ROBO2: variants seen among roughly 807,000 people sequenced by gnomAD.
ROBO2 encodes the protein roundabout homolog 2.
ROBO2 carries 53 observed loss-of-function variants against 160.8 expected under a neutral mutation model. The ratio of observed to expected loss-of-function variants is 0.33; its 90% CI spans 0.26 to 0.41. ROBO2 has a LOEUF of 0.41. Ranked by LOEUF, ROBO2 falls within the 10% of genes least tolerant of loss-of-function variation. The pLI, the probability that ROBO2 is intolerant of heterozygous loss-of-function variation, is 1.00. For synonymous variants in ROBO2, 664 were observed against 611.7 expected (o/e 1.09, Z -1.26); for missense variants, 1,577 against 1,722.4 (o/e 0.92, Z 1.49).
chr3:76,575,193 T>C (rs1490408305), intron 2 of ROBO2, among the ~76,000 whole-genome samples: 1 of 152,080 alleles, frequency 6.6e-6, no homozygotes, highest in East Asian at 1.9e-4. Flanking sequence ...AAACTCAACA[T>C]TTTTACAATA....
At chr3:76,477,258 G>A (rs1223122457) in intron 2 of ROBO2, among the ~76,000 whole-genome samples, 1 of 152,022 alleles carries the variant, frequency 6.6e-6, no homozygotes, top group Non-Finnish European at 1.5e-5. Flanking sequence ...TTTCATATTC[G>A]GTTAGACCAG....
intron 2 of ROBO2, among the ~76,000 whole-genome samples, chr3:76,868,595 G>C (rs528386069): frequency 9.2e-5 from 14 of 152,182 alleles, no homozygotes; most frequent in African/African-American, 2.9e-4. Flanking sequence ...AAATAACTAA[G>C]TCGAATATAT....
chr3:76,933,995 A>T (rs1259850947), intron 2 of ROBO2, among the ~76,000 whole-genome samples: 1 of 152,212 alleles, frequency 6.6e-6, no homozygotes, highest in Non-Finnish European at 1.5e-5. Flanking sequence ...GTTTTCAAGA[A>T]TTTAATATTC....
At chr3:77,494,283 A>T (rs1391697477) in intron 5 of ROBO2, among the ~76,000 whole-genome samples, 1 of 151,926 alleles carries the variant, frequency 6.6e-6, no homozygotes, top group African/African-American at 2.4e-5. Flanking sequence ...TTTTTTTTAA[A>T]AAAAATTTTT....
chr3:76,230,513 C>T (rs113140046), intron 2 of ROBO2, among the ~76,000 whole-genome samples: 2,760 of 152,238 alleles, frequency 0.018, 100 homozygotes, highest in East Asian at 0.14. Context: ...CTTCATGTCT[C>T]TCTGCCCCAT....
intron 2 of ROBO2, among the ~76,000 whole-genome samples, chr3:76,334,283 TAGAG>T (rs2073715374): frequency 1.3e-5 from 2 of 152,164 alleles, no homozygotes; most frequent in South Asian, 2.1e-4. Context: ...ATTTATGTGT[TAGAG>T]AGAAAGGAGC....
chr3:75,996,704 TA>T (rs1334389571), intron 2 of ROBO2, among the ~76,000 whole-genome samples: 2 of 152,162 alleles, frequency 1.3e-5, no homozygotes, highest in Non-Finnish European at 2.9e-5. Context: ...CTTTTCCTCC[TA>T]AAGTAATGAA....
chr3:76,100,466 T>C (rs1305898335), intron 2 of ROBO2, among the ~76,000 whole-genome samples: 1 of 152,214 alleles, frequency 6.6e-6, no homozygotes, highest in Non-Finnish European at 1.5e-5. Flanking sequence ...TTCCAATTTC[T>C]GTCCATTTGC....
intron 2 of ROBO2, among the ~76,000 whole-genome samples, chr3:76,346,695 G>A (rs962099168): frequency 3.3e-5 from 5 of 151,838 alleles, no homozygotes; most frequent in Admixed American, 6.6e-5. Flanking sequence ...GAGATTTGTC[G>A]ATAACGTTTT....
At chr3:76,489,737 A>G (rs891160472) in intron 2 of ROBO2, among the ~76,000 whole-genome samples, 1 of 152,100 alleles carries the variant, frequency 6.6e-6, no homozygotes, top group Non-Finnish European at 1.5e-5. Context: ...GGTGAATTAA[A>G]CCAATTATAA....
intron 2 of ROBO2, among the ~76,000 whole-genome samples, chr3:76,175,021 T>G (rs112454434): frequency 0.023 from 3,456 of 152,276 alleles, 236 homozygotes; most frequent in East Asian, 0.22. Flanking sequence ...CATTTGTTTG[T>G]GTCCTCTTTT....
intron 2 of ROBO2, among the ~76,000 whole-genome samples, chr3:77,392,225 G>A (rs750153537): frequency 1.4e-4 from 21 of 152,226 alleles, no homozygotes; most frequent in Non-Finnish European, 2.6e-4. Flanking sequence ...ATCCTTAATC[G>A]ACTCAGTTTT....
intron 5 of ROBO2, among the ~76,000 whole-genome samples, chr3:77,508,780 TA>T (rs2088954277): frequency 6.6e-6 from 1 of 152,138 alleles, no homozygotes; most frequent in Admixed American, 6.6e-5. Context: ...ATATGCTTTT[TA>T]ACTTAAACTT....
At chr3:76,166,766 A>G (rs913082530) in intron 2 of ROBO2, among the ~76,000 whole-genome samples, 1 of 152,176 alleles carries the variant, frequency 6.6e-6, no homozygotes, top group Non-Finnish European at 1.5e-5. Context: ...TTTTAAGGAA[A>G]TCTTGTTTGA....
intron 2 of ROBO2, among the ~76,000 whole-genome samples, chr3:76,594,615 A>G (rs1445027131): frequency 6.6e-6 from 1 of 151,712 alleles, no homozygotes; most frequent in Non-Finnish European, 1.5e-5. Context: ...TATTTGGGTG[A>G]TTTTTTTCTA....
intron 2 of ROBO2, among the ~76,000 whole-genome samples, chr3:76,566,352 C>T (rs1174006094): frequency 2.5e-4 from 38 of 152,204 alleles, no homozygotes; most frequent in Non-Finnish European, 4.4e-5. Context: ...GATGGAGGCA[C>T]ACCCCAGAGG....
At chr3:77,523,087 T>A (rs529679825) in intron 6 of ROBO2, among the ~76,000 whole-genome samples, 185 bp downstream of exon 6, 1 of 151,520 alleles carries the variant, frequency 6.6e-6, no homozygotes, top group African/African-American at 2.4e-5. Context: ...CCAATGATGA[T>A]AATTTAAAAA....
chr3:76,413,605 C>T (rs528360485), intron 2 of ROBO2, among the ~76,000 whole-genome samples: 4 of 152,294 alleles, frequency 2.6e-5, no homozygotes, highest in Admixed American at 6.5e-5. Flanking sequence ...TTTGCTAAAA[C>T]GTAACAAGAG....
chr3:76,995,027 C>T (rs1578128761), intron 2 of ROBO2, among the ~76,000 whole-genome samples: 1 of 151,680 alleles, frequency 6.6e-6, no homozygotes, highest in Admixed American at 6.6e-5. Flanking sequence ...GTATACATGT[C>T]CCATGCTGGT....
Sources: allele counts gnomAD v4.1 joint callset (sites outside exome capture counted in the v4.1 genomes callset), GRCh38; gene constraint gnomAD v4.1.1; transcripts MANE v1.5; gene names NCBI Gene and HGNC (gene_info 2026-07-23, HGNC 2026-07-21).